ADGRF5: variants seen among roughly 807,000 people sequenced by gnomAD.
ADGRF5 encodes G-protein coupled receptor 116.
Under a neutral mutation model 132.3 loss-of-function variants are expected in ADGRF5, and 75 were observed. The observed-to-expected ratio is 0.57, with a 90% CI of 0.47 to 0.69. The LOEUF (loss-of-function observed/expected upper bound fraction) is 0.69. ADGRF5 is among the 30% of genes least tolerant of loss of function. The pLI, the probability that ADGRF5 is intolerant of heterozygous loss-of-function variation, is 0.00. For synonymous variants in ADGRF5, 629 were observed against 597.6 expected, an observed-to-expected ratio of 1.05 and a Z score of -0.77; for missense variants, 1,516 against 1,630.6, an observed-to-expected ratio of 0.93 and a Z score of 1.21.
At chr6:46,930,685 A>G (rs1777512551) in intron 1 of ADGRF5, among the ~76,000 whole-genome samples, 1 of 152,126 alleles carries the variant, frequency 6.6e-6, no homozygotes, top group African/African-American at 2.4e-5. Context: ...TGAAATGGCC[A>G]TTTCACACCT....
rs1562174880 is a variant in ADGRF5, at chr6:46,877,299, C to CCT, written c.1240+902_1240+903insAG. Among the ~76,000 whole-genome samples, 344 of 94,742 alleles carry CCT rather than the reference C, an allele frequency of 3.6e-3. 7 individuals carry two copies. The highest frequency in any genetic ancestry group is 0.011 in the African/African-American group (274 of 25,040). The allele number at this position is 94,742 out of a possible 152,430, so 62.2% of individuals were successfully genotyped here. On this transcript the variant is annotated intron_variant, in intron 10 of 20. Coordinates refer to ENST00000283296, the MANE Select transcript of ADGRF5 (RefSeq NM_001098518.2). ...TCTTTCTTTCTTTCTTTCTCTCTCT[C>CCT]TCTCTCTTTCCTTCCTTCCTTCCTT... is the stretch of plus-strand genomic sequence containing the variant.
intron 3 of ADGRF5, among the ~76,000 whole-genome samples, chr6:46,889,732 C>T (rs957556191): frequency 2.1e-5 from 3 of 145,088 alleles, no homozygotes; most frequent in African/African-American, 7.6e-5. Flanking sequence ...TCTGTACAAA[C>T]GTTATATATT....
intron 8 of ADGRF5, 51 bp from the exon 9 acceptor site, chr6:46,880,090 T>C (rs1399799715): frequency 7.9e-7 from 1 of 1,261,042 alleles, no homozygotes. Flanking sequence ...TAAATGTCAC[T>C]GATGCTACTC....
intron 1 of ADGRF5, among the ~76,000 whole-genome samples, chr6:46,953,657 A>ATATATATATATATAGATATATG (rs1778596291): frequency 2.3e-5 from 1 of 43,984 alleles, no homozygotes; most frequent in South Asian, 7.2e-4. Context: ...ATGTGTATAT[A>ATATATATATATATAGATATATG]TATATATATA....
At chr6:46,865,363 C>T (rs550301308) in intron 13 of ADGRF5, among the ~76,000 whole-genome samples, 166 bp from the exon 14 acceptor site, 1 of 152,348 alleles carries the variant, frequency 6.6e-6, no homozygotes, top group South Asian at 2.1e-4. Context: ...TGTAAGCCCA[C>T]ATTTGCATGT....
intron 3 of ADGRF5, among the ~76,000 whole-genome samples, chr6:46,899,067 G>C (rs959858368): frequency 2.0e-5 from 3 of 152,114 alleles, no homozygotes; most frequent in African/African-American, 7.2e-5. Flanking sequence ...CAAATGTTGT[G>C]AATGGAAATG....
chr6:46,853,967 T>A lies in ADGRF5; in HGVS notation c.*25A>T, dbSNP rs1443287447. 1.3e-6 allele frequency: 2 copies of A among 1,507,094 alleles called. No individual in the cohort carries two copies. The highest frequency in any genetic ancestry group is 1.8e-6 in the Non-Finnish European group (2 of 1,095,134). 93.4% of individuals were successfully genotyped at this position (1,507,094 alleles called of 1,614,324 possible). A position where few individuals can be genotyped will look rare whatever the true frequency, so the allele number is the denominator to read the frequency against. ...AAGCACAGCCACTGTCCCCGGGAGG[T>A]CACGTAGGTTGGATTATCCTGTTCT... On this transcript the variant is annotated 3_prime_UTR_variant, in exon 21 of 21. Coordinates refer to ENST00000283296, the MANE Select transcript of ADGRF5 (RefSeq NM_001098518.2).
chr6:46,943,330 A>G (rs1271702415), intron 1 of ADGRF5, among the ~76,000 whole-genome samples: 7 of 152,222 alleles, frequency 4.6e-5, no homozygotes, highest in Admixed American at 4.6e-4. Flanking sequence ...TTTATTTTTT[A>G]AATCTTATAC....
chr6:46,858,298 A>G lies in ADGRF5; in HGVS notation c.3605T>C (p.Ile1202Thr), dbSNP rs897753095. 21 of 1,613,894 alleles carry G rather than the reference A, an allele frequency of 1.3e-5. No individual in the cohort carries two copies. The highest frequency in any genetic ancestry group is 1.5e-5 in the Non-Finnish European group (18 of 1,180,018). The change falls in exon 17 of 21, where the codon ATT becomes ACT. Residue 1202 changes from isoleucine (I) to threonine (T), a missense_variant. Around this residue, in one of 2 missense-constraint regions of ADGRF5, gnomAD observed 571 missense variants for 701.2 expected, o/e 0.81. Coordinates refer to ENST00000283296, the MANE Select transcript of ADGRF5 (RefSeq NM_001098518.2). The stretch of plus-strand genomic sequence containing the variant: ...CTCCTGCTTGCATGGCTTGTCTCCA[A>G]TGGAAGGCCTCAGGATCTTGGTGAT... ...VVITKILRPS[I>T]GDKPCKQEKS... is the part of the protein sequence containing the mutation.
rs1046732283 is a variant in ADGRF5 at position 46,900,174 on chromosome 6, T to C, written c.103-91A>G. On this transcript the variant is annotated intron_variant, in intron 2 of 20. Transcript: ENST00000283296. ...CTTAGATACCCCTAAATGTTGGAGC[T>C]GAGCTTAAGGCTGCAGACTTTGGGT... 17 of 951,498 alleles carry C rather than the reference T, an allele frequency of 1.8e-5. No individual in the cohort carries two copies. In the Admixed American group the frequency reaches 2.9e-4, roughly 16 times the overall value. The allele number at this position is 951,498 out of a possible 1,614,324, so 58.9% of individuals were successfully genotyped here.
chr6:46,871,893 G>A lies in ADGRF5; in HGVS notation c.1361C>T (p.Ala454Val). ...GTTTGCACTGCCTCTGGCTCCATAG[G>A]CACTGATGAACTCACAAGTGTAGAT... ...TVIYTCEFIS[A>V]YGARGSANIK... is the part of the protein sequence containing the mutation. Residue 454 changes from alanine to valine, a missense_variant, in exon 11 of 21, where the codon GCC becomes GTC. By Grantham distance (64) the Ala-to-Val change is moderately conservative. This residue lies in a region of ADGRF5 where 945 missense variants were observed against 929.4 expected (regional missense o/e 1.02). Coordinates refer to ENST00000283296, the MANE Select transcript of ADGRF5 (RefSeq NM_001098518.2). The A allele has an allele frequency of 6.2e-7, 1 of 1,611,616 alleles. No individual in the cohort carries two copies. Among genetic ancestry groups the A allele is most frequent in the Non-Finnish European group, 8.5e-7 (1 of 1,178,232 alleles).
intron 1 of ADGRF5, among the ~76,000 whole-genome samples, chr6:46,941,744 G>A (rs1778100155): frequency 6.6e-6 from 1 of 151,824 alleles, no homozygotes; most frequent in South Asian, 2.1e-4. Flanking sequence ...CATACATTTA[G>A]AAAAACACTG....
chr6:46,885,219 A>G (rs957306320), intron 4 of ADGRF5, among the ~76,000 whole-genome samples: 4 of 151,682 alleles, frequency 2.6e-5, no homozygotes, highest in African/African-American at 9.7e-5. Context: ...AAAGAAAAAG[A>G]AAAAGAAAGA....
chr6:46,944,438 T>C (rs946128717), intron 1 of ADGRF5, among the ~76,000 whole-genome samples: 3 of 152,172 alleles, frequency 2.0e-5, no homozygotes, highest in African/African-American at 4.8e-5. Context: ...ACTCTTGTTC[T>C]AAGGTGCTGG....
At chr6:46,947,458 A>G (rs1224880526) in intron 1 of ADGRF5, among the ~76,000 whole-genome samples, 1 of 152,252 alleles carries the variant, frequency 6.6e-6, no homozygotes, top group African/African-American at 2.4e-5. Flanking sequence ...ACAAATGCAC[A>G]CATATGTGCA....
Position 46,891,545 on chromosome 6 carries a change from A to AGGCAGGGTCAGTAAC in ADGRF5, c.158-3041_158-3040insGTTACTGACCCTGCC, listed in dbSNP as rs562390622. Among the ~76,000 whole-genome samples the AGGCAGGGTCAGTAAC allele has an allele frequency of 4.4e-3, 674 of 152,242 alleles. 8 individuals are homozygous for AGGCAGGGTCAGTAAC. The highest frequency in any genetic ancestry group is 0.031 in the South Asian group (152 of 4,828). ...TTCCTGGATGGTAGCTGCCTTTTGG[A>AGGCAGGGTCAGTAAC]TGGGTGAGGTCAGTAACAAATTCAT... On this transcript the variant is annotated intron_variant, in intron 3 of 20. Transcript: ENST00000283296.
intron 14 of ADGRF5, among the ~76,000 whole-genome samples, chr6:46,864,258 A>T (rs934856996): frequency 5.9e-5 from 9 of 152,162 alleles, no homozygotes; most frequent in Non-Finnish European, 1.0e-4. Flanking sequence ...TAAAACATGA[A>T]CTTTCACCTC....
rs878859555 is a variant in ADGRF5 at position 46,858,479 on chromosome 6, T to A, written c.3424A>T (p.Ile1142Phe). Residue 1142 changes from isoleucine to phenylalanine, a missense_variant, in exon 17 of 21, where the codon ATC becomes TTC. Physicochemically the swap from Ile to Phe is conservative, Grantham distance 21. Transcript: ENST00000283296. ...GTGGCTCCCAGCGTGATGACCGAGATGGCAAGTGGGCAGCCATAGCCAAGA... is the reference window on the plus strand; with the variant it reads ...GTGGCTCCCAGCGTGATGACCGAGAAGGCAAGTGGGCAGCCATAGCCAAGA... ...FCLGYGCPLA[I>F]SVITLGATQP... The A allele has an allele frequency of 4.3e-6, 7 of 1,613,748 alleles. No homozygotes were observed. The highest frequency in any genetic ancestry group is 5.9e-6 in the Non-Finnish European group (7 of 1,179,816).
At position 46,927,479 on chromosome 6, in the gene ADGRF5, C is replaced by T. The variant is rs76935659; in HGVS notation, c.-24-20693G>A. Reference sequence around the variant, plus strand: ...CTTATGCTCTGGTGAACCCCCAGCCCCCACCAACACATGCATTCCCATCCC... The same window carrying T: ...CTTATGCTCTGGTGAACCCCCAGCCTCCACCAACACATGCATTCCCATCCC... On this transcript the variant is annotated intron_variant, in intron 1 of 20. Coordinates refer to the ADGRF5 transcript ENST00000265417. Among the ~76,000 whole-genome samples, 1,330 of 152,104 alleles carry T rather than the reference C, an allele frequency of 8.7e-3. 19 individuals carry two copies. Among genetic ancestry groups the T allele is most frequent in the African/African-American group, 0.03 (1,252 of 41,476 alleles).
Sources: gnomAD v4.1 joint callset for allele counts (sites outside exome capture counted in the v4.1 genomes callset) on GRCh38, gnomAD v4.1.1 for gene constraint, gnomAD v4.1.1 regional missense constraint, MANE v1.5 for transcripts, NCBI Gene and HGNC (gene_info 2026-07-23, HGNC 2026-07-21) for gene names.